The following TUT4 variants were observed in gnomAD, a reference collection of about 807,000 sequenced individuals.
The protein encoded by TUT4 is terminal uridylyl transferase 4.
A neutral mutation model predicts 192.2 loss-of-function variants in TUT4; 36 were observed. The ratio of observed to expected loss-of-function variants is 0.19; its 90% CI spans 0.14 to 0.25. The LOEUF is 0.25. TUT4 is among the 10% of genes least tolerant of loss of function. The pLI, the probability that TUT4 is intolerant of heterozygous loss-of-function variation, is 1.00. For synonymous variants in TUT4, 618 were observed against 666.0 expected (o/e 0.93, Z 1.11); for missense variants, 1,493 against 1,957.2 (o/e 0.76, Z 4.47).
intron 9 of TUT4, among the ~76,000 whole-genome samples, chr1:52,488,141 A>G (rs9645417): frequency 2.0e-3 from 308 of 152,272 alleles, no homozygotes; most frequent in Admixed American, 5.2e-3. Flanking sequence ...GCAATTCTCT[A>G]AACAGAGCCC....
intron 9 of TUT4, 94 bp downstream of exon 9, chr1:52,488,815 G>T (rs1187642459): frequency 7.9e-7 from 1 of 1,260,776 alleles, no homozygotes; most frequent in East Asian, 2.7e-5. Flanking sequence ...TATGATTGAT[G>T]TTACATGTCA....
intron 20 of TUT4, among the ~76,000 whole-genome samples, chr1:52,448,446 G>C (rs540046678): frequency 3.9e-5 from 6 of 152,130 alleles, no homozygotes; most frequent in African/African-American, 1.4e-4. Flanking sequence ...AAAATTGGCT[G>C]GGCGTGGTGG....
chr1:52,511,809 G>A (rs1677231158), intron 3 of TUT4, among the ~76,000 whole-genome samples: 1 of 152,142 alleles, frequency 6.6e-6, no homozygotes. Flanking sequence ...AGCCATTGAA[G>A]GTTTATGAGC....
At chr1:52,502,609 CTTTTTTTTTT>C (rs919559320) in intron 4 of TUT4, among the ~76,000 whole-genome samples, 2 of 82,130 alleles carry the variant, frequency 2.4e-5, no homozygotes, top group South Asian at 5.0e-4. Flanking sequence ...TCTTAGCCCT[CTTTTTTTTTT>C]TTTTTTTTTT....
chr1:52,435,603 A>C (rs547273949), intron 26 of TUT4, 138 bp from the exon 27 acceptor site: 2 of 655,978 alleles, frequency 3.0e-6, no homozygotes, highest in African/African-American at 3.6e-5. Flanking sequence ...AACCTTAAGT[A>C]TATTAACGAA....
At chr1:52,455,918 T>C (rs972390646) in intron 20 of TUT4, among the ~76,000 whole-genome samples, 4 of 152,190 alleles carry the variant, frequency 2.6e-5, no homozygotes, top group Admixed American at 6.5e-5. Context: ...CTCGTACATA[T>C]GATTCAGCAA....
At chr1:52,490,649 A>C in intron 8 of TUT4, 83 bp downstream of exon 8, 1 of 1,204,214 alleles carries the variant, frequency 8.3e-7, no homozygotes, top group Non-Finnish European at 1.2e-6. Context: ...TAAAACAAAA[A>C]CTTTTTCTCT....
intron 9 of TUT4, among the ~76,000 whole-genome samples, chr1:52,487,272 C>G (rs1285762040): frequency 6.6e-6 from 1 of 151,768 alleles, no homozygotes; most frequent in African/African-American, 2.4e-5. Context: ...AAAATGAGAA[C>G]CCATCTCTAC....
chr1:52,465,841 T>C lies in TUT4; in HGVS notation c.2966-668A>G, dbSNP rs548449013. Among the ~76,000 whole-genome samples the C allele has an allele frequency of 2.0e-5, 3 of 152,266 alleles. No homozygotes were observed. The East Asian group carries it at 5.8e-4, about 29-fold the overall frequency. The stretch of plus-strand genomic sequence containing the variant: ...AACAGCTACCATTTCAAATAAGCTG[T>C]GGTTTAACAGAATTGGATTTTTCTT... On this transcript the variant is annotated intron_variant, in intron 15 of 29. Coordinates refer to ENST00000257177, the MANE Select transcript of TUT4 (RefSeq NM_001009881.3).
At chr1:52,491,176 G>C (rs1671054481) in intron 7 of TUT4, among the ~76,000 whole-genome samples, 1 of 152,182 alleles carries the variant, frequency 6.6e-6, no homozygotes, top group South Asian at 2.1e-4. Context: ...CAGGAGCCAT[G>C]AAAGGAGGAC....
intron 1 of TUT4, among the ~76,000 whole-genome samples, chr1:52,542,537 T>C (rs1236172782): frequency 6.6e-6 from 1 of 152,066 alleles, no homozygotes; most frequent in Non-Finnish European, 1.5e-5. Flanking sequence ...AACCACATGA[T>C]CATCTCAATT....
intron 2 of TUT4, among the ~76,000 whole-genome samples, chr1:52,518,987 A>G (rs1679452237): frequency 6.6e-6 from 1 of 152,220 alleles, no homozygotes; most frequent in Non-Finnish European, 1.5e-5. Flanking sequence ...ACTTAAATAT[A>G]GAGTTAGCAT....
At chr1:52,523,998 A>C (rs751527772) in intron 2 of TUT4, among the ~76,000 whole-genome samples, 12 of 152,248 alleles carry the variant, frequency 7.9e-5, no homozygotes, top group Non-Finnish European at 1.6e-4. Context: ...AAAGATTATA[A>C]AAGAAATTAT....
intron 20 of TUT4, among the ~76,000 whole-genome samples, chr1:52,453,932 T>G (rs955913332): frequency 9.2e-5 from 14 of 152,170 alleles, no homozygotes; most frequent in African/African-American, 3.4e-4. Flanking sequence ...CCCAGATACA[T>G]GCAATGAACA....
At chr1:52,485,003 A>G (rs1669432257) in intron 9 of TUT4, among the ~76,000 whole-genome samples, 1 of 152,078 alleles carries the variant, frequency 6.6e-6, no homozygotes, top group Admixed American at 6.6e-5. Flanking sequence ...GTATTTCTTT[A>G]CTGTTTGACT....
intron 24 of TUT4, among the ~76,000 whole-genome samples, chr1:52,439,536 T>C (rs895321826): frequency 5.3e-5 from 8 of 152,326 alleles, no homozygotes; most frequent in South Asian, 2.1e-4. Flanking sequence ...AGAGAACATG[T>C]CCACTTAGGT....
At chr1:52,451,289 G>A (rs1218568120) in intron 20 of TUT4, among the ~76,000 whole-genome samples, 1 of 151,292 alleles carries the variant, frequency 6.6e-6, no homozygotes, top group East Asian at 1.9e-4. Context: ...ATAAGAATAA[G>A]AATAAGAATA....
intron 9 of TUT4, among the ~76,000 whole-genome samples, chr1:52,485,866 T>C (rs1669666561): frequency 6.6e-6 from 1 of 152,082 alleles, no homozygotes; most frequent in African/African-American, 2.4e-5. Context: ...CTATACTGGA[T>C]TGGTTGGATT....
At chr1:52,471,546 T>C (rs900610093) in intron 14 of TUT4, among the ~76,000 whole-genome samples, 15 of 152,206 alleles carry the variant, frequency 9.9e-5, no homozygotes, top group African/African-American at 3.4e-4. Flanking sequence ...GCTGCAGTGA[T>C]GAAAATGTTC....
Sources: gnomAD v4.1 joint callset for allele counts (sites outside exome capture counted in the v4.1 genomes callset) on GRCh38, gnomAD v4.1.1 for gene constraint, MANE v1.5 for transcripts, NCBI Gene and HGNC (gene_info 2026-07-23, HGNC 2026-07-21) for gene names.